The following MFSD11 variants were observed in gnomAD, a reference collection of about 807,000 sequenced individuals.
The protein encoded by MFSD11 is UNC93-like protein MFSD11.
MFSD11 carries 36 observed loss-of-function variants against 53.5 expected under a neutral mutation model. That is an observed-to-expected ratio of 0.67 (90% confidence interval 0.52 to 0.89). The LOEUF (loss-of-function observed/expected upper bound fraction) is 0.89. Among genes scored for constraint, MFSD11 ranks in the 40% least tolerant of loss-of-function variants. MFSD11 has a pLI of 0.00. For missense variants in MFSD11, 530 were observed against 543.9 expected (o/e 0.97, Z 0.25); for synonymous variants, 186 against 184.9 (o/e 1.01, Z -0.05).
intron 3 of MFSD11, among the ~76,000 whole-genome samples, 153 bp downstream of exon 3, chr17:76,741,217 T>C (rs2078055796): frequency 6.6e-6 from 1 of 152,204 alleles, no homozygotes; most frequent in African/African-American, 2.4e-5. Context: ...CTCAGGGATA[T>C]CATATTCTAA....
chr17:76,741,645 G>A (rs894337032), intron 3 of MFSD11, among the ~76,000 whole-genome samples: 5 of 151,996 alleles, frequency 3.3e-5, no homozygotes, highest in Admixed American at 6.6e-5. Context: ...AAAATTAGCC[G>A]GGCTTGGTGG....
Position 76,738,330 on chromosome 17 carries a change from G to C in MFSD11, c.-23G>C, listed in dbSNP as rs752791446. The C allele has an allele frequency of 2.5e-6, 4 of 1,578,982 alleles. No homozygotes were observed. In the East Asian group the frequency reaches 6.7e-5, roughly 26 times the overall value. On this transcript the variant is annotated 5_prime_UTR_variant, in exon 1 of 13. Coordinates refer to ENST00000685175, the MANE Select transcript of MFSD11 (RefSeq NM_001242532.5). The stretch of plus-strand genomic sequence containing the variant: ...GGAGAGCTGACTGCCCTGGGCTGCT[G>C]CCTCCGGCAGAGCTGAGCCAAAATG...
chr17:76,782,474 CTT>C (rs33999736), downstream of MFSD11, among the ~76,000 whole-genome samples: 1,944 of 76,074 alleles, frequency 0.026, 29 homozygotes, highest in African/African-American at 0.1. Flanking sequence ...CGCGCCCAGG[CTT>C]TTTTTTTTTT....
upstream of MFSD11, chr17:76,736,704 C>T (rs1048472740): frequency 7.5e-7 from 1 of 1,328,256 alleles, no homozygotes; most frequent in South Asian, 1.8e-5. Flanking sequence ...CCCGTCCGGG[C>T]CCGCACCACG....
At chr17:76,748,443 C>A (rs1442592499) in intron 7 of MFSD11, among the ~76,000 whole-genome samples, 3 of 151,846 alleles carry the variant, frequency 2.0e-5, no homozygotes, top group Non-Finnish European at 1.5e-5. Flanking sequence ...ATCCCAGCAC[C>A]TTGGGAGGCT....
At position 76,760,969 on chromosome 17, in the gene MFSD11, G is replaced by T. The variant is rs146235421; in HGVS notation, c.683-6417G>T. Among the ~76,000 whole-genome samples, 912 of 152,242 alleles carry T rather than the reference G, an allele frequency of 6.0e-3. 4 individuals are homozygous for T. The highest frequency in any genetic ancestry group is 0.01 in the Middle Eastern group (3 of 294). On this transcript the variant is annotated intron_variant, in intron 8 of 12. Coordinates refer to ENST00000685175, the MANE Select transcript of MFSD11 (RefSeq NM_001242532.5). ...GCCTGTAATCCCAGCACTTTGAGAG[G>T]CCGAGGTGGGCGGATCATGAGGTCA...
Position 76,738,414 on chromosome 17 carries a change from T to G in MFSD11, c.62T>G (p.Met21Arg), listed in dbSNP as rs776277315. The G allele has an allele frequency of 6.8e-6, 11 of 1,614,202 alleles. 1 individual carries two copies. The South Asian group carries it at 1.1e-4, about 16-fold the overall frequency. ...IIILGVAFMF[M>R]FTAFQTCGNV... ...ATTTTAGGAGTTGCCTTTATGTTTA[T>G]GTTCACTGCCTTTCAAACTTGTGGA... Residue 21 changes from methionine (M) to arginine (R), a missense_variant, in exon 1 of 13, where the codon ATG (methionine) becomes AGG (arginine). Transcript: ENST00000685175.
intron 2 of MFSD11, among the ~76,000 whole-genome samples, chr17:76,739,683 A>G (rs2077863648): frequency 6.6e-6 from 1 of 152,146 alleles, no homozygotes; most frequent in Non-Finnish European, 1.5e-5. Flanking sequence ...CAGTTTCTTA[A>G]TTTCTCTAGA....
intron 8 of MFSD11, among the ~76,000 whole-genome samples, chr17:76,757,100 C>T (rs1299341383): frequency 6.6e-6 from 1 of 152,014 alleles, no homozygotes; most frequent in Non-Finnish European, 1.5e-5. Context: ...GGATGGTGTC[C>T]CCAGCCATGG....
the MFSD11 span, among the ~76,000 whole-genome samples, chr17:76,796,700 C>T: frequency 4.1e-4 from 62 of 151,122 alleles, no homozygotes; most frequent in African/African-American, 1.4e-3. Flanking sequence ...AGGCTGGGCA[C>T]GGTGGCTCAT....
chr17:76,790,401 G>A, the MFSD11 span, among the ~76,000 whole-genome samples: 2 of 146,774 alleles, frequency 1.4e-5, no homozygotes, highest in South Asian at 4.6e-4. Context: ...GAGGGCAGTG[G>A]CGTGATCACA....
intron 7 of MFSD11, among the ~76,000 whole-genome samples, chr17:76,749,071 A>C (rs767565788): frequency 3.3e-5 from 5 of 152,240 alleles, no homozygotes; most frequent in Non-Finnish European, 7.3e-5. Flanking sequence ...CTTTATTGAG[A>C]TATAACTCAT....
chr17:76,738,562 C>A, intron 1 of MFSD11, 114 bp downstream of exon 1: 1 of 732,412 alleles, frequency 1.4e-6, no homozygotes, highest in Non-Finnish European at 2.3e-6. Context: ...TTTCATTTTT[C>A]CCACCCAGAC....
chr17:76,739,982 C>T (rs953464493), intron 2 of MFSD11, among the ~76,000 whole-genome samples: 1 of 150,686 alleles, frequency 6.6e-6, no homozygotes, highest in African/African-American at 2.4e-5. Context: ...GTGGCTAACA[C>T]GGTGAAACCC....
chr17:76,786,205 TG>T (rs1278739859), downstream of MFSD11, among the ~76,000 whole-genome samples: 2 of 142,288 alleles, frequency 1.4e-5, no homozygotes, highest in African/African-American at 5.1e-5. Context: ...AGTGTAGTGG[TG>T]TGATCTCGGC....
intron 8 of MFSD11, among the ~76,000 whole-genome samples, chr17:76,754,544 C>T (rs931182911): frequency 1.3e-5 from 2 of 151,686 alleles, no homozygotes; most frequent in South Asian, 2.1e-4. Flanking sequence ...ATTTGCCGGG[C>T]GTGGTGGCAT....
chr17:76,754,030 A>T lies in MFSD11; in HGVS notation c.642-17A>T. On this transcript the variant is annotated splice_polypyrimidine_tract_variant and intron_variant, in intron 7 of 12. Transcript: ENST00000685175. ...TTCAAAAAGAAAAAACTTATTTTTT[A>T]CATTTTATTTTCTCAGGTCTGCCCA... is the stretch of plus-strand genomic sequence containing the variant. The T allele has an allele frequency of 1.3e-6, 2 of 1,595,370 alleles. No individual in the cohort carries two copies. The highest frequency in any genetic ancestry group is 1.7e-6 in the Non-Finnish European group (2 of 1,171,642).
the MFSD11 span, among the ~76,000 whole-genome samples, chr17:76,797,446 A>G: frequency 1.3e-5 from 2 of 152,142 alleles, no homozygotes; most frequent in African/African-American, 4.8e-5. Context: ...GGGAGTGTCT[A>G]TTAGTATGCT....
intron 7 of MFSD11, among the ~76,000 whole-genome samples, chr17:76,752,013 T>C (rs1001548859): frequency 3.3e-5 from 5 of 152,214 alleles, no homozygotes; most frequent in African/African-American, 1.2e-4. Flanking sequence ...AAGAGTGTTA[T>C]TGAATATGAT....
Sources: allele counts gnomAD v4.1 joint callset (sites outside exome capture counted in the v4.1 genomes callset), GRCh38; gene constraint gnomAD v4.1.1; transcripts MANE v1.5; gene names NCBI Gene and HGNC (gene_info 2026-07-23, HGNC 2026-07-21).